The following CAMKV variants were observed in gnomAD, a reference collection of about 807,000 sequenced individuals.
The protein encoded by CAMKV is caM kinase-like vesicle-associated protein.
In CAMKV, 5 loss-of-function variants were observed where a neutral mutation model predicts 50.2. The observed-to-expected ratio is 0.10, with a 90% CI of 0.05 to 0.21. The LOEUF is 0.21. Among genes scored for constraint, CAMKV ranks in the 10% least tolerant of loss-of-function variants. The probability of loss-of-function intolerance (pLI) is 1.00; values close to 1 mark genes in which losing one functional copy is unlikely to be tolerated. For missense variants in CAMKV, 361 were observed against 650.5 expected (o/e 0.55, Z 4.84); for synonymous variants, 229 against 250.1 (o/e 0.92, Z 0.80).
chr3:49,859,479 T>C lies in CAMKV; in HGVS notation c.1345A>G (p.Ser449Gly), dbSNP rs2082002127. ...EESTVPTTQS[S>G]AMLATKAAAT... ...GCTGCCTTGGTGGCCAGCATGGCAC[T>C]GCTTTGGGTGGTGGGCACAGTGCTC... The change falls in exon 11 of 11, where the codon AGT becomes GGT. Residue 449 changes from serine to glycine, a missense_variant. Ser to Gly is a moderately conservative substitution (Grantham distance 56, BLOSUM62 0). Coordinates refer to ENST00000477224, the MANE Select transcript of CAMKV (RefSeq NM_024046.5). The surrounding 1 kb of genome is among the most constrained non-coding windows in gnomAD (Gnocchi z 5.5). The C allele has an allele frequency of 6.2e-7, 1 of 1,614,164 alleles. No homozygotes were observed.
chr3:49,861,645 G>C lies in CAMKV; in HGVS notation c.303-68C>G, dbSNP rs1190688234. 6.2e-7 allele frequency: 1 copy of C among 1,607,762 alleles called. No homozygotes were observed. Among genetic ancestry groups the C allele is most frequent in the African/African-American group, 1.3e-5 (1 of 74,796 alleles). On this transcript the variant is annotated intron_variant, in intron 4 of 10. Coordinates refer to ENST00000477224, the MANE Select transcript of CAMKV (RefSeq NM_024046.5). The surrounding 1 kb of genome is among the most constrained non-coding windows in gnomAD (Gnocchi z 7.7). Reference sequence around the variant, plus strand: ...GGGTAGGGCAGGAGCACTTGGGTGAGCTGCCTACGCCAGGCAGCTGGCTGA... The same window carrying C: ...GGGTAGGGCAGGAGCACTTGGGTGACCTGCCTACGCCAGGCAGCTGGCTGA...
In CAMKV at chr3:49,860,605, G is replaced by C. The variant is rs1204774361; in HGVS notation, c.776-56C>G. 10 of 1,610,458 alleles carry C rather than the reference G, an allele frequency of 6.2e-6. No individual in the cohort carries two copies. The highest frequency in any genetic ancestry group is 8.5e-6 in the Non-Finnish European group (10 of 1,177,058). ...TGGGCACCCCATCTCAATGTCTAGAGGTGATAAATGGGCTGGGGGACAGAA... is the reference window on the plus strand; with the variant it reads ...TGGGCACCCCATCTCAATGTCTAGACGTGATAAATGGGCTGGGGGACAGAA... On this transcript the variant is annotated intron_variant, in intron 8 of 10. Transcript: ENST00000477224. This position sits in a 1 kb window ranked among gnomAD's most constrained non-coding sequence, Gnocchi z 6.1.
Position 49,860,012 on chromosome 3 carries a change from G to T in CAMKV, c.943-131C>A. ...CCACCCCAGGGCCAAGTACTCAGCT[G>T]CTCAGCACTCCTACTTAAGGTAATC... is the stretch of plus-strand genomic sequence containing the variant. On this transcript the variant is annotated intron_variant, in intron 10 of 10. Transcript: ENST00000477224. The surrounding 1 kb of genome is among the most constrained non-coding windows in gnomAD (Gnocchi z 6.1). 9.6e-7 allele frequency: 1 copy of T among 1,047,010 alleles called. No individual in the cohort carries two copies. Among genetic ancestry groups the T allele is most frequent in the Non-Finnish European group, 1.4e-6 (1 of 720,254 alleles). The allele number at this position is 1,047,010 out of a possible 1,614,324, so 64.9% of individuals were successfully genotyped here. A position where few individuals can be genotyped will look rare whatever the true frequency, so the allele number is the denominator to read the frequency against.
chr3:49,869,767 C>T lies in CAMKV; in HGVS notation c.-24G>A, dbSNP rs1295456888. 6.6e-6 allele frequency: 1 copy of T among 152,288 alleles called. No homozygotes were observed. The highest frequency in any genetic ancestry group is 1.5e-5 in the Non-Finnish European group (1 of 68,096). The allele number at this position is 152,288 out of a possible 1,614,324, so 9.4% of individuals were successfully genotyped here. ...CCGGCCCGCCCCGCACCTGCAGCGC[C>T]GGTTGGTCACAGGGAGGAAGTGATC... On this transcript the variant is annotated 5_prime_UTR_variant, in exon 1 of 11. Transcript: ENST00000477224. This position sits in a 1 kb window ranked among gnomAD's most constrained non-coding sequence, Gnocchi z 5.2.
In CAMKV at chr3:49,861,606, G is replaced by A. The variant is rs749963382; in HGVS notation, c.303-29C>T. The stretch of plus-strand genomic sequence containing the variant: ...AGGGACACCAGCCCCTGAGCCTGGC[G>A]TGGGCAGAATCAGGGGTAGGGCAGG... On this transcript the variant is annotated intron_variant, in intron 4 of 10. Transcript: ENST00000477224. The surrounding 1 kb of genome is among the most constrained non-coding windows in gnomAD (Gnocchi z 7.7). The A allele has an allele frequency of 1.5e-5, 25 of 1,613,712 alleles. No individual in the cohort carries two copies. The highest frequency in any genetic ancestry group is 4.5e-5 in the East Asian group (2 of 44,888).
intron 1 of CAMKV, among the ~76,000 whole-genome samples, chr3:49,865,150 A>G (rs890728869): frequency 5.3e-5 from 8 of 152,268 alleles, no homozygotes; most frequent in African/African-American, 1.4e-4. Context: ...GAGGCTTTGA[A>G]GATCGTCACT....
rs373671685 is a variant in CAMKV, at chr3:49,860,682, C to T, written c.775+34G>A. ...GCAGGACACCCTCCCCACTCCCTTG[C>T]GTTCTACCAAGTGCTGGGCAGGCAC... On this transcript the variant is annotated intron_variant, in intron 8 of 10. Transcript: ENST00000477224. This position sits in a 1 kb window ranked among gnomAD's most constrained non-coding sequence, Gnocchi z 6.1. 108 of 1,613,094 alleles carry T rather than the reference C, an allele frequency of 6.7e-5. No homozygotes were observed. In the African/African-American group the frequency reaches 7.2e-4, roughly 11 times the overall value.
Position 49,859,622 on chromosome 3 carries a change from C to T in CAMKV, c.1202G>A (p.Ser401Asn). The T allele has an allele frequency of 1.2e-6, 2 of 1,614,100 alleles. No individual in the cohort carries two copies. Among genetic ancestry groups the T allele is most frequent in the Non-Finnish European group, 1.7e-6 (2 of 1,179,984 alleles). Reference sequence around the variant, plus strand: ...GCTTCCATCGGTGGCTGGGGTGACACTGCCATCAGTGGCTGGGGTGGCACT... The same window carrying T: ...GCTTCCATCGGTGGCTGGGGTGACATTGCCATCAGTGGCTGGGGTGGCACT... ...DGSATPATDG[S>N]VTPATDGSIT... is the part of the protein sequence containing the mutation. Residue 401 changes from serine (S) to asparagine (N), a missense_variant, in exon 11 of 11, where the codon AGT becomes AAT. This residue lies in a region of CAMKV where 27 missense variants were observed against 59.9 expected (regional missense o/e 0.45). Transcript: ENST00000477224. The surrounding 1 kb of genome is among the most constrained non-coding windows in gnomAD (Gnocchi z 5.5).
At position 49,859,429 on chromosome 3, in the gene CAMKV, G is replaced by A; in HGVS notation, c.1395C>T (p.Ala465=). Residue 465 remains alanine (A), a synonymous_variant, in exon 11 of 11, where the codon GCC becomes GCT. Coordinates refer to ENST00000477224, the MANE Select transcript of CAMKV (RefSeq NM_024046.5). This position sits in a 1 kb window ranked among gnomAD's most constrained non-coding sequence, Gnocchi z 5.5. ...KAAATPEPAM[A]QPDSTAPEGA... ...CCTCTGGGGCTGTGCTGTCCGGCTG[G>A]GCCATAGCCGGCTCAGGGGTGGCAG... 2.5e-6 allele frequency: 4 copies of A among 1,612,876 alleles called. No individual in the cohort carries two copies. The highest frequency in any genetic ancestry group is 3.4e-6 in the Non-Finnish European group (4 of 1,179,128).
In CAMKV at chr3:49,859,664, G is replaced by C. The variant is rs1249255895; in HGVS notation, c.1160C>G (p.Thr387Ser). 1 of 1,614,026 alleles carries C rather than the reference G, an allele frequency of 6.2e-7. No individual in the cohort carries two copies. Among genetic ancestry groups the C allele is most frequent in the Non-Finnish European group, 8.5e-7 (1 of 1,180,004 alleles). Residue 387 changes from threonine (T) to serine (S), a missense_variant, in exon 11 of 11, where the codon ACC (threonine) becomes AGC (serine). Physicochemically the swap from Thr to Ser is moderately conservative, Grantham distance 58. Coordinates refer to ENST00000477224, the MANE Select transcript of CAMKV (RefSeq NM_024046.5). This position sits in a 1 kb window ranked among gnomAD's most constrained non-coding sequence, Gnocchi z 5.5. ...GGTGGCACTTCCATCTGTGGCTGGGGTGGCACTACGGTCTGCGGGGGCCAC... is the reference window on the plus strand; with the variant it reads ...GGTGGCACTTCCATCTGTGGCTGGGCTGGCACTACGGTCTGCGGGGGCCAC... The part of the protein sequence containing the change: ...DNVAPADRSA[T>S]PATDGSATPA...
At position 49,860,286 on chromosome 3, in the gene CAMKV, C is replaced by G; in HGVS notation, c.855-28G>C. 6.2e-7 allele frequency: 1 copy of G among 1,606,680 alleles called. No individual in the cohort carries two copies. Among genetic ancestry groups the G allele is most frequent in the African/African-American group, 1.3e-5 (1 of 74,900 alleles). On this transcript the variant is annotated intron_variant, in intron 9 of 10. Transcript: ENST00000477224. The surrounding 1 kb of genome is among the most constrained non-coding windows in gnomAD (Gnocchi z 6.1). ...GGAAAGGGTGCAAGTGTGTCTGGAT[C>G]TGAGAGAATGAGCCTTTGTGGAGAC...
chr3:49,862,408 G>A lies in CAMKV; in HGVS notation c.-14-6C>T. ...CGGCATTGCCAGGCTCTAACCTGCG[G>A]GCACAATGGGGTCTGGCTTAGCTGT... On this transcript the variant is annotated splice_region_variant and splice_polypyrimidine_tract_variant and intron_variant, in intron 1 of 10. Coordinates refer to ENST00000477224, the MANE Select transcript of CAMKV (RefSeq NM_024046.5). The surrounding 1 kb of genome is among the most constrained non-coding windows in gnomAD (Gnocchi z 5.2). 6.2e-7 allele frequency: 1 copy of A among 1,607,222 alleles called. No individual in the cohort carries two copies. Among genetic ancestry groups the A allele is most frequent in the South Asian group, 1.1e-5 (1 of 91,006 alleles).
chr3:49,869,074 T>C lies in CAMKV; in HGVS notation c.-15+684A>G, dbSNP rs1159358893. Among the ~76,000 whole-genome samples the C allele has an allele frequency of 1.3e-5, 2 of 152,280 alleles. No individual in the cohort carries two copies. The highest frequency in any genetic ancestry group is 2.1e-4 in the South Asian group (1 of 4,826). On this transcript the variant is annotated intron_variant, in intron 1 of 10. Transcript: ENST00000477224. This position sits in a 1 kb window ranked among gnomAD's most constrained non-coding sequence, Gnocchi z 5.2. ...CCACCGTGCTGCCACCCTGACCCCT[T>C]TCCCAAGTGCTGCTGGCTCGCCCCC...
Position 49,861,671 on chromosome 3 carries a change from G to C in CAMKV, c.303-94C>G. On this transcript the variant is annotated intron_variant, in intron 4 of 10. Transcript: ENST00000477224. The surrounding 1 kb of genome is among the most constrained non-coding windows in gnomAD (Gnocchi z 7.7). ...CTGCCTACGCCAGGCAGCTGGCTGAGCAAGGCACAGGGACCTGGGACGCCA... is the reference window on the plus strand; with the variant it reads ...CTGCCTACGCCAGGCAGCTGGCTGACCAAGGCACAGGGACCTGGGACGCCA... 6.3e-7 allele frequency: 1 copy of C among 1,599,954 alleles called. No individual in the cohort carries two copies. Among genetic ancestry groups the C allele is most frequent in the Non-Finnish European group, 8.5e-7 (1 of 1,169,680 alleles).
rs1191846600 is a variant in CAMKV, at chr3:49,869,494, C to T, written c.-15+264G>A. On this transcript the variant is annotated intron_variant, in intron 1 of 10. Transcript: ENST00000477224. This position sits in a 1 kb window ranked among gnomAD's most constrained non-coding sequence, Gnocchi z 5.2. Reference sequence around the variant, plus strand: ...ATCCTCACGGGGGACCACGAATCTTCGAGGGTTAATCTTTTCACAATTCCG... The same window carrying T: ...ATCCTCACGGGGGACCACGAATCTTTGAGGGTTAATCTTTTCACAATTCCG... 6.6e-6 allele frequency among the ~76,000 whole-genome samples: 1 copy of T among 152,114 alleles called. No individual in the cohort carries two copies. Among genetic ancestry groups the T allele is most frequent in the Non-Finnish European group, 1.5e-5 (1 of 68,008 alleles).
Position 49,860,640 on chromosome 3 carries a change from C to A in CAMKV, c.775+76G>T. On this transcript the variant is annotated intron_variant, in intron 8 of 10. Coordinates refer to ENST00000477224, the MANE Select transcript of CAMKV (RefSeq NM_024046.5). The surrounding 1 kb of genome is among the most constrained non-coding windows in gnomAD (Gnocchi z 6.1). ...GGGCTGGGGGACAGAAGCAGAATAC[C>A]ACAGAGGAAGATGAGAGCAGGACAC... 1.2e-6 allele frequency: 2 copies of A among 1,611,414 alleles called. No individual in the cohort carries two copies. Among genetic ancestry groups the A allele is most frequent in the Admixed American group, 3.3e-5 (2 of 59,994 alleles).
chr3:49,865,062 G>C (rs552179762), intron 1 of CAMKV, among the ~76,000 whole-genome samples: 1 of 152,346 alleles, frequency 6.6e-6, no homozygotes, highest in South Asian at 2.1e-4. Context: ...CTTGGGCTCA[G>C]GGAATACAAA....
In CAMKV at chr3:49,859,300, C is replaced by T; in HGVS notation, c.*18G>A. On this transcript the variant is annotated 3_prime_UTR_variant, in exon 11 of 11. Transcript: ENST00000477224. The surrounding 1 kb of genome is among the most constrained non-coding windows in gnomAD (Gnocchi z 5.5). The stretch of plus-strand genomic sequence containing the variant: ...ACCCTCCTGCCCATCCCCTGCCCCC[C>T]CTCACCAGGCTGCCTACTCAGCTGG... The T allele has an allele frequency of 1.3e-6, 2 of 1,515,982 alleles. No individual in the cohort carries two copies. The highest frequency in any genetic ancestry group is 8.8e-7 in the Non-Finnish European group (1 of 1,135,754). 93.9% of individuals were successfully genotyped at this position (1,515,982 alleles called of 1,614,324 possible). A position where few individuals can be genotyped will look rare whatever the true frequency, so the allele number is the denominator to read the frequency against.
rs1473459093 is a variant in CAMKV at position 49,869,072 on chromosome 3, C to T, written c.-15+686G>A. 2.6e-5 allele frequency among the ~76,000 whole-genome samples: 4 copies of T among 152,222 alleles called. No individual in the cohort carries two copies. The highest frequency in any genetic ancestry group is 4.4e-5 in the Non-Finnish European group (3 of 68,036). On this transcript the variant is annotated intron_variant, in intron 1 of 10. Transcript: ENST00000477224. The surrounding 1 kb of genome is among the most constrained non-coding windows in gnomAD (Gnocchi z 5.2). ...CCCCACCGTGCTGCCACCCTGACCC[C>T]TTTCCCAAGTGCTGCTGGCTCGCCC...
Sources: allele counts gnomAD v4.1 joint callset (sites outside exome capture counted in the v4.1 genomes callset), GRCh38; gene constraint gnomAD v4.1.1; regional missense constraint gnomAD v4.1.1; non-coding constraint Gnocchi (gnomAD v3.1); transcripts MANE v1.5; gene names NCBI Gene and HGNC (gene_info 2026-07-23, HGNC 2026-07-21).